The following SLC36A1 variants were observed in gnomAD, a reference collection of about 807,000 sequenced individuals.
The protein encoded by SLC36A1 is solute carrier family 36 member 1.
In SLC36A1, 30 loss-of-function variants were observed where a neutral mutation model predicts 47.5. The observed-to-expected ratio is 0.63, with a 90% CI of 0.47 to 0.86. The LOEUF is 0.86. Ranked by LOEUF, SLC36A1 falls within the 40% of genes least tolerant of loss-of-function variation. The probability of loss-of-function intolerance (pLI) is 0.00; values close to 1 mark genes in which losing one functional copy is unlikely to be tolerated. For missense variants in SLC36A1, 517 were observed against 606.0 expected (o/e 0.85, Z 1.54); for synonymous variants, 255 against 249.7 (o/e 1.02, Z -0.20).
chr5:151,507,506 G>A, the SLC36A1 span: 35 of 1,613,936 alleles, frequency 2.2e-5, no homozygotes, highest in Admixed American at 3.5e-4. Flanking sequence ...TGAACGCCAC[G>A]GCCACTGTGA....
At chr5:151,369,576 A>C in the SLC36A1 span, among the ~76,000 whole-genome samples, 1 of 152,210 alleles carries the variant, frequency 6.6e-6, no homozygotes, top group African/African-American at 2.4e-5. Flanking sequence ...TCTTGGGCTC[A>C]AGTGATCCTC....
Position 151,488,441 on chromosome 5 carries a change from C to A in SLC36A1, c.*187C>A. The A allele has an allele frequency of 1.4e-6, 1 of 700,196 alleles. No individual in the cohort carries two copies. Among genetic ancestry groups the A allele is most frequent in the Non-Finnish European group, 2.3e-6 (1 of 428,912 alleles). 43.4% of individuals were successfully genotyped at this position (700,196 alleles called of 1,614,324 possible). A position where few individuals can be genotyped will look rare whatever the true frequency, so the allele number is the denominator to read the frequency against. ...GGCAGGGGAGAGGTGGGGTGGCAGA[C>A]ACGCAGAAGTGCTACTAGTGACAGG... On this transcript the variant is annotated 3_prime_UTR_variant, in exon 11 of 11. Coordinates refer to ENST00000243389, the MANE Select transcript of SLC36A1 (RefSeq NM_078483.4).
the SLC36A1 span, among the ~76,000 whole-genome samples, chr5:151,555,384 T>TG: frequency 1.3e-5 from 2 of 148,802 alleles, no homozygotes; most frequent in Admixed American, 1.3e-4. Context: ...TTTTTTTTTT[T>TG]TTTTGAGACT....
chr5:151,546,310 T>A, the SLC36A1 span: 1 of 1,613,340 alleles, frequency 6.2e-7, no homozygotes, highest in African/African-American at 1.3e-5. Context: ...TAGCAGGGCA[T>A]TGATGTTGAA....
intron 1 of SLC36A1, among the ~76,000 whole-genome samples, chr5:151,448,773 T>C (rs542462368): frequency 6.6e-6 from 1 of 152,338 alleles, no homozygotes; most frequent in East Asian, 1.9e-4. Context: ...AATCAGGATA[T>C]TTTGTCCTAG....
chr5:151,549,223 A>T, the SLC36A1 span: 2 of 1,435,836 alleles, frequency 1.4e-6, no homozygotes, highest in Non-Finnish European at 1.9e-6. Context: ...TTGCGAATTC[A>T]TGCCTCTAGT....
At chr5:151,467,640 A>C in intron 6 of SLC36A1, 67 bp from the exon 7 acceptor site, 3 of 1,348,116 alleles carry the variant, frequency 2.2e-6, no homozygotes, top group Non-Finnish European at 3.2e-6. Context: ...AACCTCTTCC[A>C]GCAGAGGATC....
At chr5:151,420,403 C>T in the SLC36A1 span, among the ~76,000 whole-genome samples, 2 of 152,142 alleles carry the variant, frequency 1.3e-5, no homozygotes, top group South Asian at 4.1e-4. Flanking sequence ...AGAGTCAGGA[C>T]CTGACCCTAG....
At chr5:151,379,775 T>G in the SLC36A1 span, among the ~76,000 whole-genome samples, 1 of 152,218 alleles carries the variant, frequency 6.6e-6, no homozygotes, top group Non-Finnish European at 1.5e-5. Flanking sequence ...ATTTTACATG[T>G]TTTGTACTAC....
chr5:151,541,203 G>A, the SLC36A1 span, among the ~76,000 whole-genome samples: 2 of 152,292 alleles, frequency 1.3e-5, no homozygotes, highest in South Asian at 4.1e-4. Context: ...GGTTCTGTAG[G>A]AGCACTAGGG....
At chr5:151,382,520 G>A in the SLC36A1 span, 22 of 492,728 alleles carry the variant, frequency 4.5e-5, no homozygotes, top group Non-Finnish European at 5.7e-5. Flanking sequence ...TCAGCCAAAT[G>A]AGTGCAAAGT....
intron 8 of SLC36A1, among the ~76,000 whole-genome samples, chr5:151,475,077 T>C (rs1023076526): frequency 1.3e-5 from 2 of 152,214 alleles, no homozygotes; most frequent in African/African-American, 4.8e-5. Flanking sequence ...CTGTGCTCTA[T>C]CTTAGGGCTT....
the SLC36A1 span, among the ~76,000 whole-genome samples, chr5:151,403,454 A>G: frequency 6.6e-6 from 1 of 152,094 alleles, no homozygotes; most frequent in Non-Finnish European, 1.5e-5. Flanking sequence ...CTTGTCATTT[A>G]AAAGCGTGTG....
At chr5:151,386,614 A>G in the SLC36A1 span, among the ~76,000 whole-genome samples, 4 of 152,038 alleles carry the variant, frequency 2.6e-5, no homozygotes, top group South Asian at 2.1e-4. Flanking sequence ...GGCACTGTCA[A>G]TCAAAAAGCC....
chr5:151,532,361 T>C, the SLC36A1 span, among the ~76,000 whole-genome samples: 1 of 150,522 alleles, frequency 6.6e-6, no homozygotes, highest in Non-Finnish European at 1.5e-5. Flanking sequence ...TGGAATAATA[T>C]TGCATAGAAC....
the SLC36A1 span, chr5:151,553,311 C>T: frequency 1.4e-5 from 22 of 1,614,242 alleles, no homozygotes; most frequent in African/African-American, 1.1e-4. Flanking sequence ...GGAGGACGGC[C>T]GGGGCCAAGG....
In SLC36A1 at chr5:151,458,991, C is replaced by G. The variant is rs978990467; in HGVS notation, c.143+56C>G. 4.6e-6 allele frequency: 7 copies of G among 1,534,602 alleles called. No homozygotes were observed. The African/African-American group carries it at 9.6e-5, about 21-fold the overall frequency. ...GTGGGATTCGTGTTCCTAAGCCTCC[C>G]TTGGACTTATTTTTCCCCCCAATTT... On this transcript the variant is annotated intron_variant, in intron 2 of 10. Transcript: ENST00000243389.
the SLC36A1 span, chr5:151,511,561 A>T: frequency 6.5e-6 from 1 of 153,376 alleles, no homozygotes; most frequent in Non-Finnish European, 1.5e-5. Flanking sequence ...GATGATGGAG[A>T]TGGGTGTTTG....
intron 10 of SLC36A1, chr5:151,480,096 T>C (rs1294439347): frequency 6.7e-7 from 1 of 1,497,098 alleles, no homozygotes; most frequent in Non-Finnish European, 8.8e-7. Flanking sequence ...CTGTTTGCTG[T>C]GGTTGAAAAC....
Sources: gnomAD v4.1 joint callset for allele counts (sites outside exome capture counted in the v4.1 genomes callset) on GRCh38, gnomAD v4.1.1 for gene constraint, MANE v1.5 for transcripts, NCBI Gene and HGNC (gene_info 2026-07-23, HGNC 2026-07-21) for gene names.